ST18: variants seen among roughly 807,000 people sequenced by gnomAD.
ST18 encodes the protein ST18 C2H2C-type zinc finger transcription factor.
Under a neutral mutation model 110.0 loss-of-function variants are expected in ST18, and 50 were observed. The ratio of observed to expected loss-of-function variants is 0.45; its 90% CI spans 0.36 to 0.58. The LOEUF (loss-of-function observed/expected upper bound fraction) is 0.58. ST18 is among the 20% of genes least tolerant of loss of function. The pLI, the probability that ST18 is intolerant of heterozygous loss-of-function variation, is 0.00. For missense variants in ST18, 1,306 were observed against 1,280.1 expected (o/e 1.02, Z -0.31); for synonymous variants, 461 against 452.4 (o/e 1.02, Z -0.24).
rs778539057 is a variant in ST18 at position 52,158,861 on chromosome 8, T to A, written c.1806+37A>T. The A allele has an allele frequency of 4.3e-6, 7 of 1,611,284 alleles. No individual in the cohort carries two copies. In the East Asian group the frequency reaches 1.6e-4, roughly 36 times the overall value. On this transcript the variant is annotated intron_variant, in intron 15 of 25. Transcript: ENST00000689386. ...AAGGCAGTTTATTCTCACAGTTCAGTCGCTGGCCCACCCTCCGGGCTCTTG... is the reference window on the plus strand; with the variant it reads ...AAGGCAGTTTATTCTCACAGTTCAGACGCTGGCCCACCCTCCGGGCTCTTG...
chr8:52,385,521 AC>A (rs1402358912), intron 2 of ST18, among the ~76,000 whole-genome samples: 1 of 150,110 alleles, frequency 6.7e-6, no homozygotes, highest in Non-Finnish European at 1.5e-5. Flanking sequence ...AATCGCTTGA[AC>A]CCGGGAGGCG....
At position 52,180,246 on chromosome 8, in the gene ST18, G is replaced by T; in HGVS notation, c.153C>A (p.Val51=). 1 of 1,614,150 alleles carries T rather than the reference G, an allele frequency of 6.2e-7. No homozygotes were observed. The highest frequency in any genetic ancestry group is 8.5e-7 in the Non-Finnish European group (1 of 1,180,020). Residue 51 remains valine, a synonymous_variant, in exon 9 of 26, where the codon GTC becomes GTA. Coordinates refer to ENST00000689386, the MANE Select transcript of ST18 (RefSeq NM_001352837.2). The part of the protein sequence containing the change: ...TAEDQALGVP[V]NKRKSLLMKP... ...TCATTAGCAGGGATTTCCTTTTGTT[G>T]ACTGGAACCCCCAAAGCCTGATCTT...
chr8:52,247,729 T>C (rs536694132), intron 2 of ST18, among the ~76,000 whole-genome samples: 4 of 152,316 alleles, frequency 2.6e-5, no homozygotes, highest in African/African-American at 9.6e-5. Flanking sequence ...CTAAATTTGT[T>C]AGGCAGCAAC....
At chr8:52,400,678 T>C (rs528257858) in intron 2 of ST18, among the ~76,000 whole-genome samples, 20 of 152,206 alleles carry the variant, frequency 1.3e-4, no homozygotes, top group African/African-American at 4.1e-4. Context: ...TACTTAACTT[T>C]GATCACATAA....
intron 8 of ST18, among the ~76,000 whole-genome samples, chr8:52,202,287 G>A (rs1005042209): frequency 6.6e-6 from 1 of 151,846 alleles, no homozygotes; most frequent in Non-Finnish European, 1.5e-5. Context: ...ACAAACAGGG[G>A]TAGATAATGT....
intron 2 of ST18, among the ~76,000 whole-genome samples, chr8:52,394,494 C>T (rs2360786): frequency 0.07 from 10,654 of 152,056 alleles, 609 homozygotes; most frequent in Non-Finnish European, 0.1. Context: ...GCTCAGACTT[C>T]CCATCCTCTG....
chr8:52,127,531 T>C (rs2047539875), intron 22 of ST18, among the ~76,000 whole-genome samples: 1 of 152,220 alleles, frequency 6.6e-6, no homozygotes, highest in Non-Finnish European at 1.5e-5. Flanking sequence ...AAAGGTGACC[T>C]TCAGTGAGTC....
chr8:52,208,013 G>A (rs2080724810), intron 8 of ST18, among the ~76,000 whole-genome samples: 1 of 152,160 alleles, frequency 6.6e-6, no homozygotes, highest in African/African-American at 2.4e-5. Flanking sequence ...GAATTGTGTT[G>A]GAGGAAAGAC....
chr8:52,214,502 T>C (rs1429780016), intron 6 of ST18, among the ~76,000 whole-genome samples: 1 of 152,192 alleles, frequency 6.6e-6, no homozygotes, highest in Admixed American at 6.5e-5. Context: ...TGTCCACAAG[T>C]GTTTGAAGTG....
chr8:52,146,225 C>A (rs1034197831), intron 16 of ST18, among the ~76,000 whole-genome samples: 2 of 152,120 alleles, frequency 1.3e-5, no homozygotes, highest in South Asian at 2.1e-4. Flanking sequence ...TGGAAAGTCA[C>A]AAGAAAGGAT....
chr8:52,203,454 C>T (rs1342179223), intron 8 of ST18, among the ~76,000 whole-genome samples: 1 of 152,064 alleles, frequency 6.6e-6, no homozygotes, highest in African/African-American at 2.4e-5. Context: ...TGAGAATTTA[C>T]CATTGTGAGG....
chr8:52,299,012 G>C (rs1280186468), intron 2 of ST18, among the ~76,000 whole-genome samples: 1 of 151,258 alleles, frequency 6.6e-6, no homozygotes, highest in Non-Finnish European at 1.5e-5. Flanking sequence ...ATTGGCTTTG[G>C]AATTGTTGGG....
chr8:52,125,072 G>C (rs1419882851), intron 23 of ST18, among the ~76,000 whole-genome samples: 1 of 152,088 alleles, frequency 6.6e-6, no homozygotes, highest in African/African-American at 2.4e-5. Context: ...ATCTTTGATG[G>C]AAAACAACAC....
chr8:52,149,694 C>G, intron 16 of ST18, 38 bp downstream of exon 16: 9 of 1,590,464 alleles, frequency 5.7e-6, no homozygotes, highest in Non-Finnish European at 7.7e-6. Context: ...TGCAATCATG[C>G]TGTCTTCAAC....
intron 8 of ST18, among the ~76,000 whole-genome samples, chr8:52,189,396 C>A (rs1040556742): frequency 4.3e-4 from 66 of 152,146 alleles, no homozygotes; most frequent in Admixed American, 3.3e-4. Flanking sequence ...ATCAGTGATT[C>A]CAGAACTGCC....
Position 52,111,075 on chromosome 8 carries a change from G to A in ST18, c.*2123C>T. The A allele has an allele frequency of 2.5e-6, 1 of 398,318 alleles. No homozygotes were observed. Among genetic ancestry groups the A allele is most frequent in the Non-Finnish European group, 4.4e-6 (1 of 225,698 alleles). The allele number at this position is 398,318 out of a possible 1,614,324, so 24.7% of individuals were successfully genotyped here. On this transcript the variant is annotated 3_prime_UTR_variant, in exon 26 of 26. Transcript: ENST00000689386. The stretch of plus-strand genomic sequence containing the variant: ...CAGTGCACATTACAAAACACATCAA[G>A]TACAAAGTAGGCAAATAAATACAAA...
intron 8 of ST18, among the ~76,000 whole-genome samples, chr8:52,186,426 G>A (rs894327487): frequency 3.3e-5 from 5 of 152,176 alleles, no homozygotes; most frequent in African/African-American, 1.2e-4. Context: ...CCAAATGTCG[G>A]TGAGGATCTC....
chr8:52,316,256 T>C (rs2096023125), intron 2 of ST18, among the ~76,000 whole-genome samples: 1 of 152,160 alleles, frequency 6.6e-6, no homozygotes, highest in Admixed American at 6.5e-5. Context: ...AGCAAATATT[T>C]CTTGAGAGCA....
At chr8:52,375,682 G>A (rs534988692) in intron 2 of ST18, among the ~76,000 whole-genome samples, 19 of 152,152 alleles carry the variant, frequency 1.2e-4, no homozygotes, top group African/African-American at 2.9e-4. Flanking sequence ...AACACCCTCC[G>A]TATGCCAATA....
Sources: allele counts gnomAD v4.1 joint callset (sites outside exome capture counted in the v4.1 genomes callset), GRCh38; gene constraint gnomAD v4.1.1; transcripts MANE v1.5; gene names NCBI Gene and HGNC (gene_info 2026-07-23, HGNC 2026-07-21).